Variants in NOL4L observed in about 807,000 individuals in gnomAD.
NOL4L encodes the protein nucleolar protein 4-like.
NOL4L carries 7 observed loss-of-function variants against 64.5 expected under a neutral mutation model. The ratio of observed to expected loss-of-function variants is 0.11; its 90% confidence interval spans 0.06 to 0.20. The LOEUF (loss-of-function observed/expected upper bound fraction) is 0.20. Among genes scored for constraint, NOL4L ranks in the 10% least tolerant of loss-of-function variants. The pLI, the probability that NOL4L is intolerant of heterozygous loss-of-function variation, is 1.00. For missense variants in NOL4L, 680 were observed against 967.1 expected, an observed-to-expected ratio of 0.70 and a Z score of 3.94; for synonymous variants, 413 against 401.0, an observed-to-expected ratio of 1.03 and a Z score of -0.36.
rs564095246 is a variant in NOL4L, at chr20:32,501,555, G to A, written c.699+9792C>T. On this transcript the variant is annotated intron_variant, in intron 4 of 10. Coordinates refer to ENST00000621426, the MANE Select transcript of NOL4L (RefSeq NM_001256798.2). Reference sequence around the variant, plus strand: ...GTGTGGTTCATTAGTGGTAACAAATGTATCACCTTAATATAAGACATTGAT... The same window carrying A: ...GTGTGGTTCATTAGTGGTAACAAATATATCACCTTAATATAAGACATTGAT... 1.2e-4 allele frequency among the ~76,000 whole-genome samples: 19 copies of A among 152,288 alleles called. No individual in the cohort carries two copies. The East Asian group carries it at 3.7e-3, about 29-fold the overall frequency.
chr20:32,584,710 C>T lies in NOL4L; in HGVS notation c.181G>A (p.Gly61Arg). The T allele has an allele frequency of 1.9e-6, 3 of 1,548,454 alleles. No homozygotes were observed. Among genetic ancestry groups the T allele is most frequent in the Non-Finnish European group, 1.7e-6 (2 of 1,145,874 alleles). Reference sequence around the variant, plus strand: ...GCGGGGCCGCTGCCCGCGCCAGTCCCGCCGCCGCCCTGCAGGACCTCGGCG... The same window carrying T: ...GCGGGGCCGCTGCCCGCGCCAGTCCTGCCGCCGCCCTGCAGGACCTCGGCG... ...RIAEVLQGGG[G>R]TGAGSGPAAG... is the part of the protein sequence containing the mutation. The change falls in exon 1 of 11, where the codon GGG becomes AGG. Residue 61 changes from glycine to arginine, a missense_variant. By Grantham distance (125) the Gly-to-Arg change is moderately radical. Around this residue, in one of 4 missense-constraint regions of NOL4L, gnomAD observed 181 missense variants for 335.2 expected, o/e 0.54. Coordinates refer to ENST00000621426, the MANE Select transcript of NOL4L (RefSeq NM_001256798.2).
intron 5 of NOL4L, among the ~76,000 whole-genome samples, chr20:32,461,581 C>A (rs1241548495): frequency 1.3e-5 from 2 of 151,324 alleles, no homozygotes; most frequent in Non-Finnish European, 3.0e-5. Context: ...CACCACCACG[C>A]CTGGCTAATT....
At chr20:32,521,937 C>A (rs1181865582) in intron 2 of NOL4L, among the ~76,000 whole-genome samples, 1 of 152,242 alleles carries the variant, frequency 6.6e-6, no homozygotes, top group African/African-American at 2.4e-5. Context: ...AGCCCGCAGC[C>A]GGGCTGGGAA....
At chr20:32,566,764 A>G (rs1027787747) in intron 1 of NOL4L, among the ~76,000 whole-genome samples, 2 of 151,844 alleles carry the variant, frequency 1.3e-5, no homozygotes, top group Non-Finnish European at 2.9e-5. Context: ...TCCTGCTCCA[A>G]CCCCTTGAGT....
intron 5 of NOL4L, 32 bp from the exon 6 acceptor site, chr20:32,456,427 C>A (rs1051433715): frequency 7.0e-7 from 1 of 1,437,316 alleles, no homozygotes; most frequent in African/African-American, 1.5e-5. Flanking sequence ...TGAGGCCCCA[C>A]CCAAGGCACT....
intron 4 of NOL4L, among the ~76,000 whole-genome samples, chr20:32,508,275 T>G (rs960221074): frequency 6.6e-6 from 1 of 152,222 alleles, no homozygotes; most frequent in Admixed American, 6.5e-5. Flanking sequence ...CTGCCTTTGC[T>G]GCACAGGAAA....
intron 10 of NOL4L, among the ~76,000 whole-genome samples, chr20:32,450,942 C>T (rs575803122): frequency 6.6e-6 from 1 of 152,232 alleles, no homozygotes; most frequent in African/African-American, 2.4e-5. Flanking sequence ...GAGTTAAGCC[C>T]AGGCAGGAAT....
rs775160467 is a variant in NOL4L, at chr20:32,453,557, G to A, written c.1305+19C>T. On this transcript the variant is annotated intron_variant, in intron 7 of 10. Transcript: ENST00000621426. The surrounding 1 kb of genome is among the most constrained non-coding windows in gnomAD (Gnocchi z 5.6). Reference sequence around the variant, plus strand: ...GCCTTGCCCCCATCCCACCCCACCTGTTTCCGGCCGGTGCTCACGTTGAAG... The same window carrying A: ...GCCTTGCCCCCATCCCACCCCACCTATTTCCGGCCGGTGCTCACGTTGAAG... 5 of 1,613,690 alleles carry A rather than the reference G, an allele frequency of 3.1e-6. No individual in the cohort carries two copies. Among genetic ancestry groups the A allele is most frequent in the South Asian group, 2.2e-5 (2 of 91,096 alleles).
chr20:32,450,093 G>C (rs1038883043), intron 10 of NOL4L: 5 of 152,294 alleles, frequency 3.3e-5, no homozygotes, highest in Non-Finnish European at 7.3e-5. Flanking sequence ...CCGTATGGTG[G>C]GTAGAGGGAT....
chr20:32,492,002 T>C (rs2016487096), intron 4 of NOL4L, among the ~76,000 whole-genome samples: 1 of 152,168 alleles, frequency 6.6e-6, no homozygotes, highest in Admixed American at 6.5e-5. Context: ...TCCCAGCTAC[T>C]GTGGAGGCTG....
At chr20:32,542,130 G>A (rs1424253937) in intron 1 of NOL4L, among the ~76,000 whole-genome samples, 1 of 152,298 alleles carries the variant, frequency 6.6e-6, no homozygotes, top group African/African-American at 2.4e-5. Context: ...GCAAGGTCCC[G>A]CATCCACTGG....
chr20:32,508,793 C>T (rs909957307), intron 4 of NOL4L, among the ~76,000 whole-genome samples: 1 of 152,198 alleles, frequency 6.6e-6, no homozygotes, highest in Non-Finnish European at 1.5e-5. Context: ...CTCACCAGGG[C>T]AATTCCTGCA....
At chr20:32,578,260 C>T (rs1980254918) in intron 1 of NOL4L, among the ~76,000 whole-genome samples, 1 of 151,934 alleles carries the variant, frequency 6.6e-6, no homozygotes, top group Admixed American at 6.6e-5. Context: ...AGCCCAGGCC[C>T]TTTACCTGTT....
Position 32,453,031 on chromosome 20 carries a change from T to C in NOL4L, c.1498-25A>G, listed in dbSNP as rs1314434799. On this transcript the variant is annotated intron_variant, in intron 8 of 10. Transcript: ENST00000621426. The surrounding 1 kb of genome is among the most constrained non-coding windows in gnomAD (Gnocchi z 5.6). ...TCTGCAGGCAGAACGGGGATGGAGC[T>C]AGCATGGGGCCCGTGGGGGCCCTGG... 6.2e-7 allele frequency: 1 copy of C among 1,611,382 alleles called. No individual in the cohort carries two copies.
chr20:32,574,702 G>A (rs917003654), intron 1 of NOL4L, among the ~76,000 whole-genome samples: 5 of 152,062 alleles, frequency 3.3e-5, no homozygotes, highest in African/African-American at 7.2e-5. Context: ...AGCTTGTGTC[G>A]GGTCCCAGCC....
intron 1 of NOL4L, among the ~76,000 whole-genome samples, chr20:32,581,005 C>G (rs1378291276): frequency 6.6e-6 from 1 of 152,254 alleles, no homozygotes; most frequent in Non-Finnish European, 1.5e-5. Context: ...GTTTGCTTCC[C>G]CCGCTTGGCA....
intron 1 of NOL4L, among the ~76,000 whole-genome samples, chr20:32,562,057 G>A (rs137857614): frequency 3.9e-4 from 59 of 152,188 alleles, no homozygotes; most frequent in Admixed American, 1.4e-3. Flanking sequence ...GACCACAGGC[G>A]CGCTTACTCC....
intron 1 of NOL4L, chr20:32,535,803 C>A: frequency 1.0e-6 from 1 of 985,246 alleles, no homozygotes. Flanking sequence ...GGCCACAGTG[C>A]CCCCCAGTTA....
chr20:32,536,444 C>A, intron 1 of NOL4L: 1 of 339,638 alleles, frequency 2.9e-6, no homozygotes, highest in Non-Finnish European at 4.1e-6. Flanking sequence ...GCGCTGGGGC[C>A]GAGCTGGCCG....
Sources: allele counts gnomAD v4.1 joint callset (sites outside exome capture counted in the v4.1 genomes callset), GRCh38; gene constraint gnomAD v4.1.1; regional missense constraint gnomAD v4.1.1; non-coding constraint Gnocchi (gnomAD v3.1); transcripts MANE v1.5; gene names NCBI Gene and HGNC (gene_info 2026-07-23, HGNC 2026-07-21).